CPNE5: variants seen among roughly 807,000 people sequenced by gnomAD.
The protein encoded by CPNE5 is copine 5.
In CPNE5, 42 loss-of-function variants were observed where a neutral mutation model predicts 81.1. That is an observed-to-expected ratio of 0.52 (90% CI 0.40 to 0.67). CPNE5 has a LOEUF of 0.67. Ranked by LOEUF, CPNE5 falls within the 30% of genes least tolerant of loss-of-function variation. CPNE5 has a pLI of 0.00. For missense variants in CPNE5, 612 were observed against 815.5 expected, an observed-to-expected ratio of 0.75 and a Z score of 3.04; for synonymous variants, 313 against 321.5, an observed-to-expected ratio of 0.97 and a Z score of 0.28.
At chr6:36,759,285 A>C (rs1265553198) in intron 12 of CPNE5, among the ~76,000 whole-genome samples, 1 of 152,038 alleles carries the variant, frequency 6.6e-6, no homozygotes, top group African/African-American at 2.4e-5. Flanking sequence ...CTGAGGTTTC[A>C]TGCTCCCAGC....
At chr6:36,799,099 G>C (rs1178865231) in intron 4 of CPNE5, among the ~76,000 whole-genome samples, 1 of 152,084 alleles carries the variant, frequency 6.6e-6, no homozygotes, top group African/African-American at 2.4e-5. Flanking sequence ...TGATCACCTG[G>C]AGCCTCACCT....
intron 20 of CPNE5, chr6:36,742,917 G>C (rs967372792): frequency 1.7e-5 from 17 of 985,192 alleles, no homozygotes; most frequent in Non-Finnish European, 2.0e-5. Context: ...GGGCTAATCT[G>C]GCCAATGCCT....
At chr6:36,829,037 A>C (rs1772761333) in intron 1 of CPNE5, among the ~76,000 whole-genome samples, 1 of 152,194 alleles carries the variant, frequency 6.6e-6, no homozygotes, top group Non-Finnish European at 1.5e-5. Flanking sequence ...AGGCCTGTGG[A>C]GAATGAAGAT....
chr6:36,763,770 G>A (rs965205813), intron 11 of CPNE5, among the ~76,000 whole-genome samples: 3 of 152,110 alleles, frequency 2.0e-5, no homozygotes, highest in Admixed American at 2.0e-4. Context: ...CATAGATGAA[G>A]CAAATATAAC....
rs190038181 is a variant in CPNE5, at chr6:36,743,624, G to A, written c.1563+65C>T. 1,496 of 1,499,574 alleles carry A rather than the reference G, an allele frequency of 1.0e-3. 4 individuals are homozygous for A. The highest frequency in any genetic ancestry group is 1.3e-3 in the Non-Finnish European group (1,382 of 1,079,686). The allele number at this position is 1,499,574 out of a possible 1,614,324, so 92.9% of individuals were successfully genotyped here. A position where few individuals can be genotyped will look rare whatever the true frequency, so the allele number is the denominator to read the frequency against. On this transcript the variant is annotated intron_variant, in intron 20 of 20. Coordinates refer to ENST00000244751, the MANE Select transcript of CPNE5 (RefSeq NM_020939.2). Reference sequence around the variant, plus strand: ...CACCAGGGAAGCCCCCAAAGGGGGTGTGAGGTCCGCCTGGCTAGAGGGGCT... The same window carrying A: ...CACCAGGGAAGCCCCCAAAGGGGGTATGAGGTCCGCCTGGCTAGAGGGGCT...
At chr6:36,748,296 A>G in intron 14 of CPNE5, 29 bp from the exon 15 acceptor site, 1 of 1,610,732 alleles carries the variant, frequency 6.2e-7, no homozygotes, top group Non-Finnish European at 8.5e-7. Context: ...CAGGGGAGTC[A>G]CCTGGAGGGA....
chr6:36,829,220 G>T (rs904949475), intron 1 of CPNE5, among the ~76,000 whole-genome samples: 11 of 152,172 alleles, frequency 7.2e-5, no homozygotes, highest in Admixed American at 3.3e-4. Flanking sequence ...TCCTGGCTGG[G>T]CTTGGTGGCT....
At chr6:36,781,911 G>A (rs1433757456) in intron 8 of CPNE5, among the ~76,000 whole-genome samples, 1 of 152,028 alleles carries the variant, frequency 6.6e-6, no homozygotes, top group African/African-American at 2.4e-5. Context: ...GATTCCCAGG[G>A]GAGCAGCGGG....
chr6:36,762,826 C>A, intron 12 of CPNE5, 91 bp downstream of exon 12: 1 of 1,030,266 alleles, frequency 9.7e-7, no homozygotes, highest in South Asian at 1.3e-5. Flanking sequence ...GAAAACACAC[C>A]AAGCCCCCAG....
intron 1 of CPNE5, among the ~76,000 whole-genome samples, chr6:36,832,790 C>A (rs1773071264): frequency 6.7e-6 from 1 of 148,798 alleles, no homozygotes; most frequent in African/African-American, 2.5e-5. Flanking sequence ...AGCTTTCCAG[C>A]CTAATTCCCC....
intron 1 of CPNE5, among the ~76,000 whole-genome samples, chr6:36,824,048 C>T (rs1772291676): frequency 6.6e-6 from 1 of 152,196 alleles, no homozygotes; most frequent in Non-Finnish European, 1.5e-5. Flanking sequence ...CCTGTTTCCT[C>T]ATCAGTACAA....
intron 13 of CPNE5, 137 bp from the exon 14 acceptor site, chr6:36,753,232 C>T (rs1562096190): frequency 1.6e-6 from 1 of 637,246 alleles, no homozygotes; most frequent in Non-Finnish European, 2.9e-6. Flanking sequence ...GCCCACACCA[C>T]CCCATGAAGT....
chr6:36,822,699 T>C (rs1200295595), intron 2 of CPNE5, among the ~76,000 whole-genome samples: 13 of 152,098 alleles, frequency 8.5e-5, no homozygotes, highest in Middle Eastern at 3.2e-3. Context: ...GTCACACGCT[T>C]GGGTGGCACT....
rs748297340 is a variant in CPNE5, at chr6:36,778,942, G to T, written c.544C>A (p.Gln182Lys). Residue 182 changes from glutamine (Q) to lysine (K), a missense_variant, in exon 9 of 21, where the codon CAG (glutamine) becomes AAG (lysine). Physicochemically the swap from Gln to Lys is moderately conservative, Grantham distance 53. Transcript: ENST00000244751. ...TTGTCCAGCTTGTTGGCACAGAACT[G>T]CATGGTGGCGACATCCTGGTGGGAG... is the stretch of plus-strand genomic sequence containing the variant. ...LSNCRDVATM[Q>K]FCANKLDKKD... The T allele has an allele frequency of 3.1e-6, 5 of 1,594,798 alleles. No individual in the cohort carries two copies. Among genetic ancestry groups the T allele is most frequent in the Non-Finnish European group, 3.4e-6 (4 of 1,163,620 alleles).
At chr6:36,774,204 C>T (rs185103929) in intron 10 of CPNE5, among the ~76,000 whole-genome samples, 2 of 151,616 alleles carry the variant, frequency 1.3e-5, no homozygotes, top group East Asian at 3.9e-4. Context: ...GACAACACAG[C>T]GAAACCAGTC....
At chr6:36,788,556 C>T (rs114647889) in intron 8 of CPNE5, among the ~76,000 whole-genome samples, 1 of 147,496 alleles carries the variant, frequency 6.8e-6, no homozygotes, top group African/African-American at 2.4e-5. Context: ...ACCCACCCAG[C>T]CCCCCAGCCT....
chr6:36,826,894 G>A (rs1772546748), intron 1 of CPNE5, among the ~76,000 whole-genome samples: 1 of 152,256 alleles, frequency 6.6e-6, no homozygotes, highest in Admixed American at 6.5e-5. Context: ...GTAAAGTGGG[G>A]GGTGGGGCAC....
chr6:36,822,094 T>C lies in CPNE5; in HGVS notation c.183+20A>G. The C allele has an allele frequency of 1.3e-6, 2 of 1,524,286 alleles. No individual in the cohort carries two copies. Among genetic ancestry groups the C allele is most frequent in the Non-Finnish European group, 1.8e-6 (2 of 1,129,000 alleles). 94.4% of individuals were successfully genotyped at this position (1,524,286 alleles called of 1,614,324 possible). On this transcript the variant is annotated intron_variant, in intron 3 of 20. Coordinates refer to ENST00000244751, the MANE Select transcript of CPNE5 (RefSeq NM_020939.2). The stretch of plus-strand genomic sequence containing the variant: ...CAGGAACAGGCTGGTGTTTCTGGTG[T>C]GGGAAGGAGCTGCACCTACCTCCCG...
chr6:36,799,181 T>C (rs558940139), intron 4 of CPNE5, among the ~76,000 whole-genome samples: 16 of 152,096 alleles, frequency 1.1e-4, no homozygotes, highest in Non-Finnish European at 1.8e-4. Flanking sequence ...CAGGCCCAGA[T>C]GACTCCTGCT....
Sources: gnomAD v4.1 joint callset for allele counts (sites outside exome capture counted in the v4.1 genomes callset) on GRCh38, gnomAD v4.1.1 for gene constraint, MANE v1.5 for transcripts, NCBI Gene and HGNC (gene_info 2026-07-23, HGNC 2026-07-21) for gene names.